PPP1R3F: variants seen among roughly 807,000 people sequenced by gnomAD.
PPP1R3F encodes the protein protein phosphatase 1 regulatory subunit 3F.
A neutral mutation model predicts 24.2 loss-of-function variants in PPP1R3F; 29 were observed. That is an observed-to-expected ratio of 1.20 (90% confidence interval 0.89 to 1.63). PPP1R3F has a LOEUF of 1.63. Ranked by LOEUF, PPP1R3F falls within the 40% of genes most tolerant of loss-of-function variation. PPP1R3F has a pLI of 0.00. For missense variants in PPP1R3F, 823 were observed against 729.3 expected (o/e 1.13, Z -1.48); for synonymous variants, 363 against 340.1 (o/e 1.07, Z -0.74).
chrX:49,281,128 T>G, intron 1 of PPP1R3F: 1 of 273,273 alleles, frequency 3.7e-6, no homozygotes, highest in Non-Finnish European at 6.4e-6. Flanking sequence ...TTTCGTAGAA[T>G]ATCTGGAAGG....
At chrX:49,297,641 G>A (rs2066326921) in intron 3 of PPP1R3F, among the ~76,000 whole-genome samples, 1 of 111,141 alleles carries the variant, frequency 9.0e-6, no homozygotes, top group Non-Finnish European at 1.9e-5. Flanking sequence ...GAGCCAACGC[G>A]CCTGACCAAG....
chrX:49,288,220 C>T (rs1557122020), downstream of PPP1R3F: 1 of 112,263 alleles, frequency 8.9e-6, no homozygotes, highest in African/African-American at 3.2e-5. Flanking sequence ...TTTGCCCAAC[C>T]ATTTCAGCAA....
In PPP1R3F at chrX:49,270,005, C is replaced by T; in HGVS notation, c.136C>T (p.Leu46=). Residue 46 remains leucine (L), a synonymous_variant, in exon 1 of 4, where the codon CTG becomes TTG. Transcript: ENST00000055335. ...GCTGTTCGCCGACGAGGCCTTGGGG[C>T]TGCCGCTGGCGCAGTTGCGCCGCTA... ...RVLFADEALG[L]PLAQLRRYRP... 1 of 923,950 alleles carries T rather than the reference C, an allele frequency of 1.1e-6. No individual in the cohort carries two copies. The highest frequency in any genetic ancestry group is 4.5e-5 in the East Asian group (1 of 22,010). The allele number at this position is 923,950 out of a possible 1,213,427, so 76.1% of individuals were successfully genotyped here.
chrX:49,273,192 A>G (rs1795822795), intron 1 of PPP1R3F: 1 of 110,672 alleles, frequency 9.0e-6, no homozygotes, highest in Non-Finnish European at 1.9e-5. Context: ...CTTCATTTCT[A>G]TCACTTTCCC....
chrX:49,299,609 C>T (rs1557123140), intron 3 of PPP1R3F, among the ~76,000 whole-genome samples: 1 of 111,955 alleles, frequency 8.9e-6, no homozygotes. Flanking sequence ...GCTGTGCCCA[C>T]AGCCGCCCCT....
intron 1 of PPP1R3F, among the ~76,000 whole-genome samples, chrX:49,272,189 T>C (rs782382903): frequency 8.9e-6 from 1 of 112,099 alleles, no homozygotes; most frequent in Non-Finnish European, 1.9e-5. Context: ...CTAGCTCCGG[T>C]CTGGTGGGCA....
intron 3 of PPP1R3F, among the ~76,000 whole-genome samples, chrX:49,296,250 G>C (rs1378523126): frequency 8.9e-6 from 1 of 111,792 alleles, no homozygotes; most frequent in African/African-American, 3.3e-5. Flanking sequence ...TCTTGGGAGG[G>C]TGTATGTATC....
chrX:49,270,467 C>G lies in PPP1R3F; in HGVS notation c.598C>G (p.Pro200Ala). ...TTGCGACCACCCAGCGCGCTACGTCCCGCGCAGCCCGCCGTGGGCAGGAGC... is the reference window on the plus strand; with the variant it reads ...TTGCGACCACCCAGCGCGCTACGTCGCGCGCAGCCCGCCGTGGGCAGGAGC... ...SFCDHPARYV[P>A]RSPPWAGAGG... is the part of the protein sequence containing the mutation. The change falls in exon 1 of 4, where the codon CCG becomes GCG. Residue 200 changes from proline to alanine, a missense_variant. Physicochemically the swap from Pro to Ala is conservative, Grantham distance 27. Transcript: ENST00000055335. 2 of 1,201,180 alleles carry G rather than the reference C, an allele frequency of 1.7e-6. No individual in the cohort carries two copies. The highest frequency in any genetic ancestry group is 1.1e-6 in the Non-Finnish European group (1 of 893,984).
At chrX:49,278,744 G>A (rs1230696736) in intron 1 of PPP1R3F, among the ~76,000 whole-genome samples, 1 of 112,602 alleles carries the variant, frequency 8.9e-6, no homozygotes, top group Non-Finnish European at 1.9e-5. Context: ...TCCTAGCCAC[G>A]CATGTCCCAG....
chrX:49,286,197 G>A lies in PPP1R3F; in HGVS notation c.1507G>A (p.Val503Met). The A allele has an allele frequency of 8.3e-7, 1 of 1,203,851 alleles. No individual in the cohort carries two copies. Among genetic ancestry groups the A allele is most frequent in the Non-Finnish European group, 1.1e-6 (1 of 891,705 alleles). ...TCACCTGAGCCGCCTACGGGCTGCT[G>A]TGGCTGCGGGTGGGGCAGGGGGTGG... ...LSHLSRLRAA[V>M]AAGGAGGGGE... The change falls in exon 4 of 4, where the codon GTG becomes ATG. Residue 503 changes from valine (V) to methionine (M), a missense_variant. Physicochemically the swap from Val to Met is conservative, Grantham distance 21. Transcript: ENST00000055335.
intron 3 of PPP1R3F, among the ~76,000 whole-genome samples, chrX:49,297,033 G>C (rs1173129517): frequency 9.1e-6 from 1 of 110,080 alleles, no homozygotes; most frequent in Non-Finnish European, 1.9e-5. Flanking sequence ...TATTAGGCCC[G>C]CTTGGTCCAG....
rs1412635940 is a variant in PPP1R3F at position 49,271,706 on chromosome X, G to T, written c.1004+833G>T. On this transcript the variant is annotated intron_variant, in intron 1 of 3. Coordinates refer to ENST00000055335, the MANE Select transcript of PPP1R3F (RefSeq NM_033215.5). ...GAAGCCTGTGCACTCTACTGTTAAC[G>T]CTGTAATCTACTTTTGAGTCCTGTG... Among the ~76,000 whole-genome samples, 3 of 113,116 alleles carry T rather than the reference G, an allele frequency of 2.7e-5. No individual in the cohort carries two copies. The South Asian group carries it at 1.1e-3, about 40-fold the overall frequency.
chrX:49,295,737 A>G (rs2066321270), intron 3 of PPP1R3F, among the ~76,000 whole-genome samples: 1 of 110,997 alleles, frequency 9.0e-6, no homozygotes, highest in Admixed American at 9.6e-5. Context: ...TTGCCAGTGA[A>G]ACCATCTGGA....
intron 1 of PPP1R3F, chrX:49,275,876 A>G (rs2066209434): frequency 8.9e-6 from 1 of 112,335 alleles, no homozygotes; most frequent in Non-Finnish European, 1.9e-5. Flanking sequence ...GCTGATGCAC[A>G]GGAAGGCCCA....
At chrX:49,290,680 CAG>C (rs1371077690), downstream of PPP1R3F, among the ~76,000 whole-genome samples, 4 of 111,880 alleles carry the variant, frequency 3.6e-5, no homozygotes, top group African/African-American at 9.7e-5. Flanking sequence ...TGGACAGGAA[CAG>C]GGGCTGGAGC....
chrX:49,280,934 A>C (rs1315353369), intron 1 of PPP1R3F: 1 of 113,737 alleles, frequency 8.8e-6, no homozygotes, highest in East Asian at 2.7e-4. Flanking sequence ...AACTATGCCC[A>C]ATGCTGTTTG....
rs1557121430 is a variant in PPP1R3F, at chrX:49,286,112, G to C, written c.1422G>C (p.Gly474=). The C allele has an allele frequency of 3.4e-6, 4 of 1,174,178 alleles. No homozygotes were observed. The highest frequency in any genetic ancestry group is 4.6e-6 in the Non-Finnish European group (4 of 874,321). The change falls in exon 4 of 4, where the codon GGG becomes GGC. Residue 474 remains glycine (G), a synonymous_variant. Coordinates refer to ENST00000055335, the MANE Select transcript of PPP1R3F (RefSeq NM_033215.5). The stretch of plus-strand genomic sequence containing the variant: ...GAGGGGGGCTGGAGGCTGTGAGTGG[G>C]TCAGAGGAGCTGCTCGGTGAGGACA... The part of the protein sequence containing the change: ...ENGGGLEAVS[G]SEELLGEDTI...
chrX:49,292,606 A>G (rs1358699077), downstream of PPP1R3F, among the ~76,000 whole-genome samples: 1 of 112,834 alleles, frequency 8.9e-6, no homozygotes, highest in South Asian at 3.6e-4. Flanking sequence ...GTCCTCTCCC[A>G]GGGCCTGAAC....
Position 49,286,417 on chromosome X carries a change from A to G in PPP1R3F, c.1727A>G (p.Glu576Gly). Reference sequence around the variant, plus strand: ...AAGGACACCGAAGACCCTGATGATGAAGGGGAGGGTGAAGAGGGGCTCTCT... The same window carrying G: ...AAGGACACCGAAGACCCTGATGATGGAGGGGAGGGTGAAGAGGGGCTCTCT... Reference protein sequence around the residue: ...LIKDTEDPDDEGEGEEGLSVT... With the variant: ...LIKDTEDPDDGGEGEEGLSVT... The change falls in exon 4 of 4, where the codon GAA becomes GGA. Residue 576 changes from glutamate to glycine, a missense_variant. Coordinates refer to ENST00000055335, the MANE Select transcript of PPP1R3F (RefSeq NM_033215.5). 1 of 1,191,555 alleles carries G rather than the reference A, an allele frequency of 8.4e-7. No homozygotes were observed. Among genetic ancestry groups the G allele is most frequent in the Non-Finnish European group, 1.1e-6 (1 of 882,987 alleles).
Sources: gnomAD v4.1 joint callset for allele counts (sites outside exome capture counted in the v4.1 genomes callset) on GRCh38, gnomAD v4.1.1 for gene constraint, MANE v1.5 for transcripts, NCBI Gene and HGNC (gene_info 2026-07-23, HGNC 2026-07-21) for gene names.